HCN1: variants seen among roughly 807,000 people sequenced by gnomAD.
The protein encoded by HCN1 is hyperpolarization activated cyclic nucleotide gated potassium channel 1.
HCN1 carries 13 observed loss-of-function variants against 78.9 expected under a neutral mutation model. The ratio of observed to expected loss-of-function variants is 0.16; its 90% CI spans 0.11 to 0.26. The LOEUF (loss-of-function observed/expected upper bound fraction) is 0.26. HCN1 is among the 10% of genes least tolerant of loss of function. The pLI is 1.00. For missense variants in HCN1, 810 were observed against 1,154.3 expected (o/e 0.70, Z 4.32); for synonymous variants, 552 against 455.5 (o/e 1.21, Z -2.70).
chr5:45,498,859 G>C (rs548693857), intron 2 of HCN1, among the ~76,000 whole-genome samples: 1 of 152,108 alleles, frequency 6.6e-6, no homozygotes. Flanking sequence ...GTGTCAGTCT[G>C]CCCCTGCCGT....
intron 5 of HCN1, among the ~76,000 whole-genome samples, chr5:45,342,892 A>G (rs1746615874): frequency 6.6e-6 from 1 of 152,190 alleles, no homozygotes; most frequent in Non-Finnish European, 1.5e-5. Flanking sequence ...ACAAAAGTGG[A>G]GAAAACAAAT....
At chr5:45,428,029 C>T (rs1260749542) in intron 3 of HCN1, among the ~76,000 whole-genome samples, 1 of 151,946 alleles carries the variant, frequency 6.6e-6, no homozygotes, top group Non-Finnish European at 1.5e-5. Context: ...AAAATTCTTA[C>T]TTGGTTTTTT....
chr5:45,670,664 A>G (rs1215624404), intron 1 of HCN1, among the ~76,000 whole-genome samples: 3 of 151,744 alleles, frequency 2.0e-5, no homozygotes, highest in African/African-American at 4.8e-5. Flanking sequence ...CTAATATTCA[A>G]TCTATATCCA....
intron 2 of HCN1, among the ~76,000 whole-genome samples, chr5:45,548,229 C>T (rs551845306): frequency 4.6e-5 from 7 of 151,780 alleles, no homozygotes; most frequent in Non-Finnish European, 8.8e-5. Flanking sequence ...AAAACACATA[C>T]TTTCTGTATT....
At chr5:45,484,370 C>A (rs1741717301) in intron 2 of HCN1, among the ~76,000 whole-genome samples, 1 of 151,950 alleles carries the variant, frequency 6.6e-6, no homozygotes, top group African/African-American at 2.4e-5. Context: ...GGAGGTGGAG[C>A]TTGCAGTAAG....
intron 4 of HCN1, among the ~76,000 whole-genome samples, chr5:45,373,501 A>T (rs1372070088): frequency 1.4e-5 from 2 of 140,728 alleles, no homozygotes; most frequent in African/African-American, 2.6e-5. Flanking sequence ...TATATACATT[A>T]TATACATCAT....
intron 4 of HCN1, among the ~76,000 whole-genome samples, chr5:45,392,194 G>A (rs1283857062): frequency 6.6e-6 from 1 of 152,032 alleles, no homozygotes; most frequent in Non-Finnish European, 1.5e-5. Flanking sequence ...GCAGGTTTTG[G>A]TCCCTCACCT....
intron 5 of HCN1, among the ~76,000 whole-genome samples, chr5:45,314,820 C>T (rs1296309831): frequency 6.6e-6 from 1 of 152,014 alleles, no homozygotes; most frequent in East Asian, 1.9e-4. Context: ...ACAAAGAAGG[C>T]CATTACATAA....
chr5:45,583,906 A>C (rs960066807), intron 2 of HCN1, among the ~76,000 whole-genome samples: 5 of 152,032 alleles, frequency 3.3e-5, no homozygotes, highest in Non-Finnish European at 5.9e-5. Context: ...GTTTGTTATA[A>C]TTTCTGTTCT....
chr5:45,321,005 G>C (rs372623046), intron 5 of HCN1, among the ~76,000 whole-genome samples: 2 of 151,792 alleles, frequency 1.3e-5, no homozygotes, highest in African/African-American at 4.8e-5. Context: ...AGGGAGACCG[G>C]TATTTGTTCT....
chr5:45,586,072 G>T (rs1226254537), intron 2 of HCN1, among the ~76,000 whole-genome samples: 2 of 152,204 alleles, frequency 1.3e-5, no homozygotes, highest in Admixed American at 1.3e-4. Flanking sequence ...GGACATTTAA[G>T]TCTGCAGAGG....
chr5:45,277,677 A>C (rs148810806), intron 6 of HCN1, among the ~76,000 whole-genome samples: 1 of 152,258 alleles, frequency 6.6e-6, no homozygotes, highest in Non-Finnish European at 1.5e-5. Context: ...AGCTTTTCTC[A>C]TGTGACTTTA....
rs187731479 is a variant in HCN1 at position 45,315,929 on chromosome 5, A to G, written c.1378-12090T>C. 5.9e-5 allele frequency among the ~76,000 whole-genome samples: 9 copies of G among 152,320 alleles called. No individual in the cohort carries two copies. In the East Asian group the frequency reaches 1.7e-3, roughly 29 times the overall value. Reference sequence around the variant, plus strand: ...AAGTTGAGGCAATAATTAATAGCTTACCAACCAAAAAAAGTACAGGACCAG... The same window carrying G: ...AAGTTGAGGCAATAATTAATAGCTTGCCAACCAAAAAAAGTACAGGACCAG... On this transcript the variant is annotated intron_variant, in intron 5 of 7. Coordinates refer to ENST00000303230, the MANE Select transcript of HCN1 (RefSeq NM_021072.4).
intron 6 of HCN1, among the ~76,000 whole-genome samples, chr5:45,279,599 G>A (rs770692576): frequency 3.3e-5 from 5 of 151,924 alleles, no homozygotes; most frequent in East Asian, 1.9e-4. Context: ...TAAATCTAAC[G>A]AATTAGTAGA....
chr5:45,502,222 C>A (rs567922767), intron 2 of HCN1, among the ~76,000 whole-genome samples: 1 of 151,814 alleles, frequency 6.6e-6, no homozygotes, highest in Admixed American at 6.6e-5. Context: ...AATCCCAGCA[C>A]TTTGGGAGGC....
chr5:45,574,445 G>A (rs762229564), intron 2 of HCN1: 3 of 152,034 alleles, frequency 2.0e-5, no homozygotes, highest in Non-Finnish European at 4.4e-5. Context: ...TCATCAATAA[G>A]TGTGTGTTCT....
intron 1 of HCN1, among the ~76,000 whole-genome samples, chr5:45,657,671 T>C (rs1745801054): frequency 6.6e-6 from 1 of 152,128 alleles, no homozygotes; most frequent in African/African-American, 2.4e-5. Flanking sequence ...TACCTAGGAA[T>C]CCAACTTACA....
At chr5:45,610,256 A>G (rs1194154227) in intron 2 of HCN1, among the ~76,000 whole-genome samples, 3 of 152,106 alleles carry the variant, frequency 2.0e-5, no homozygotes, top group African/African-American at 7.2e-5. Flanking sequence ...TGTAAGAAAC[A>G]TTCAACAAAG....
At chr5:45,502,534 A>G (rs1447868982) in intron 2 of HCN1, among the ~76,000 whole-genome samples, 1 of 152,186 alleles carries the variant, frequency 6.6e-6, no homozygotes, top group Non-Finnish European at 1.5e-5. Context: ...GCCATGTACA[A>G]GTTATTTAAT....
Sources: gnomAD v4.1 joint callset for allele counts (sites outside exome capture counted in the v4.1 genomes callset) on GRCh38, gnomAD v4.1.1 for gene constraint, MANE v1.5 for transcripts, NCBI Gene and HGNC (gene_info 2026-07-23, HGNC 2026-07-21) for gene names.